COL8A2: variants seen among roughly 807,000 people sequenced by gnomAD.
The protein encoded by COL8A2 is collagen type VIII alpha 2 chain.
Under a neutral mutation model 24.0 loss-of-function variants are expected in COL8A2, and 16 were observed. The ratio of observed to expected loss-of-function variants is 0.67; its 90% CI spans 0.45 to 1.01. COL8A2 has a LOEUF of 1.01. COL8A2 is among the 50% of genes least tolerant of loss of function. The probability of loss-of-function intolerance (pLI) is 0.00; values close to 1 mark genes in which losing one functional copy is unlikely to be tolerated. For synonymous variants in COL8A2, 466 were observed against 424.5 expected, an observed-to-expected ratio of 1.10 and a Z score of -1.20; for missense variants, 818 against 942.4, an observed-to-expected ratio of 0.87 and a Z score of 1.73.
In COL8A2 at chr1:36,098,208, G is replaced by C. The variant is rs1464064699; in HGVS notation, c.1473C>G (p.Pro491=). The change falls in exon 4 of 4, where the codon CCC becomes CCG. Residue 491 remains proline, a synonymous_variant. Transcript: ENST00000397799. ...GLKGEPGLPG[P]PGEGRAGEPG... is the part of the protein sequence containing the mutation. ...GTTCCCCTGCTCTCCCCTCTCCAGG[G>C]GGCCCTGGCAGGCCTGGTTCCCCCT... The C allele has an allele frequency of 1.9e-6, 3 of 1,539,196 alleles. No individual in the cohort carries two copies. The African/African-American group carries it at 4.1e-5, about 21-fold the overall frequency.
At chr1:36,108,745 C>G (rs1251719382) in intron 2 of COL8A2, among the ~76,000 whole-genome samples, 1 of 152,068 alleles carries the variant, frequency 6.6e-6, no homozygotes, top group Non-Finnish European at 1.5e-5. Context: ...CAAATGGGCC[C>G]CAGCAGAAAT....
rs973819592 is a variant in COL8A2 at position 36,115,884 on chromosome 1, A to T, written c.-61-132T>A. 12 of 301,290 alleles carry T rather than the reference A, an allele frequency of 4.0e-5. No homozygotes were observed. The highest frequency in any genetic ancestry group is 6.5e-5 in the Admixed American group (1 of 15,408). The allele number at this position is 301,290 out of a possible 1,614,324, so 18.7% of individuals were successfully genotyped here. On this transcript the variant is annotated intron_variant, in intron 1 of 3. Transcript: ENST00000397799. This position sits in a 1 kb window ranked among gnomAD's most constrained non-coding sequence, Gnocchi z 5.7. ...TGAGACCAGCCTGGGCAACATAGGGAGACATTGTCTGTACTAAAAATTTTA... is the reference window on the plus strand; with the variant it reads ...TGAGACCAGCCTGGGCAACATAGGGTGACATTGTCTGTACTAAAAATTTTA...
In COL8A2 at chr1:36,098,913, A is replaced by G. The variant is rs1178881532; in HGVS notation, c.768T>C (p.Pro256=). The change falls in exon 4 of 4, where the codon CCT becomes CCC. Residue 256 remains proline (P), a synonymous_variant. Transcript: ENST00000397799. The part of the protein sequence containing the change: ...GAPGDKGESG[P]PGVPGPRGEP... ...CCCCCCTGGGGCCTGGAACTCCAGG[A>G]GGCCCAGACTCACCCTTGTCTCCTG... is the stretch of plus-strand genomic sequence containing the variant. 6.2e-7 allele frequency: 1 copy of G among 1,608,904 alleles called. No individual in the cohort carries two copies. Among genetic ancestry groups the G allele is most frequent in the African/African-American group, 1.4e-5 (1 of 73,632 alleles).
At chr1:36,117,547 A>G (rs1643885405) in intron 1 of COL8A2, among the ~76,000 whole-genome samples, 2 of 152,192 alleles carry the variant, frequency 1.3e-5, no homozygotes, top group South Asian at 2.1e-4. Flanking sequence ...CTAACTAATC[A>G]TAGCTAATAT....
Position 36,100,169 on chromosome 1 carries a change from C to T in COL8A2, c.74G>A (p.Arg25Gln), listed in dbSNP as rs199913025. The change falls in exon 3 of 4, where the codon CGG becomes CAG. Residue 25 changes from arginine (R) to glutamine (Q), a missense_variant. Physicochemically the swap from Arg to Gln is conservative, Grantham distance 43. Coordinates refer to ENST00000397799, the MANE Select transcript of COL8A2 (RefSeq NM_005202.4). ...LLVLVLGCGP[R>Q]ASSGGGAGGA... is the part of the protein sequence containing the mutation. ...ACCGGCCCCGCCACCAGAGGACGCCCGCGGCCCACACCCCAGCACCAGCAC... is the reference window on the plus strand; with the variant it reads ...ACCGGCCCCGCCACCAGAGGACGCCTGCGGCCCACACCCCAGCACCAGCAC... 1.7e-4 allele frequency: 271 copies of T among 1,610,760 alleles called. No individual in the cohort carries two copies. Among genetic ancestry groups the T allele is most frequent in the Non-Finnish European group, 2.2e-4 (256 of 1,178,976 alleles).
At chr1:36,099,966 C>A in intron 3 of COL8A2, 84 bp downstream of exon 3, 1 of 1,339,326 alleles carries the variant, frequency 7.5e-7, no homozygotes, top group Non-Finnish European at 1.1e-6. Flanking sequence ...TGGAGGGCGC[C>A]TGAGGATCTG....
chr1:36,098,781 C>T lies in COL8A2; in HGVS notation c.900G>A (p.Glu300=). The T allele has an allele frequency of 6.2e-7, 1 of 1,611,876 alleles. No homozygotes were observed. The change falls in exon 4 of 4, where the codon GAG becomes GAA. Residue 300 remains glutamate (E), a synonymous_variant. Transcript: ENST00000397799. ...GCCCAGGGGGGCCCCGGGTCCCTGG[C>T]TCCCCTTTGGCCCCTGATGGGCCCT... ...GPQGPSGAKG[E]PGTRGPPGLI...
chr1:36,114,995 G>A (rs1484346534), intron 2 of COL8A2, among the ~76,000 whole-genome samples: 2 of 152,208 alleles, frequency 1.3e-5, no homozygotes, highest in East Asian at 1.9e-4. Context: ...TGCCCAGGAA[G>A]GTAAGAACAG....
At chr1:36,110,995 C>T (rs1290574778) in intron 2 of COL8A2, among the ~76,000 whole-genome samples, 5 of 152,166 alleles carry the variant, frequency 3.3e-5, no homozygotes, top group Admixed American at 3.3e-4. Flanking sequence ...CAGACTTCTC[C>T]AGGGTTCCTG....
chr1:36,102,910 C>T (rs1241728368), intron 2 of COL8A2, among the ~76,000 whole-genome samples: 1 of 151,796 alleles, frequency 6.6e-6, no homozygotes, highest in Non-Finnish European at 1.5e-5. Flanking sequence ...TGACCTCTAG[C>T]GATCCGCCTG....
rs193262098 is a variant in COL8A2 at position 36,120,696 on chromosome 1, C to T, written c.-62+4361G>A. Among the ~76,000 whole-genome samples, 68 of 149,252 alleles carry T rather than the reference C, an allele frequency of 4.6e-4. 1 individual carries two copies. In the East Asian group the frequency reaches 9.8e-3, roughly 22 times the overall value. On this transcript the variant is annotated intron_variant, in intron 1 of 3. Coordinates refer to ENST00000397799, the MANE Select transcript of COL8A2 (RefSeq NM_005202.4). Reference sequence around the variant, plus strand: ...CCGGGAGGCAGAGGATGCAGTGAGCCGAGATCATGCCATTGCACCCCAGCC... The same window carrying T: ...CCGGGAGGCAGAGGATGCAGTGAGCTGAGATCATGCCATTGCACCCCAGCC...
intron 2 of COL8A2, among the ~76,000 whole-genome samples, chr1:36,111,553 AT>A (rs373086019): frequency 0.098 from 14,430 of 146,828 alleles, 2,265 homozygotes; most frequent in African/African-American, 0.33. Flanking sequence ...CCCCTGAGCC[AT>A]TTTTTTTTTT....
At chr1:36,106,996 G>A (rs1326557561) in intron 2 of COL8A2, among the ~76,000 whole-genome samples, 1 of 152,214 alleles carries the variant, frequency 6.6e-6, no homozygotes, top group African/African-American at 2.4e-5. Context: ...CAGGTGTCAG[G>A]AACTGCCACA....
At chr1:36,110,762 G>C (rs1643829989) in intron 2 of COL8A2, among the ~76,000 whole-genome samples, 1 of 152,178 alleles carries the variant, frequency 6.6e-6, no homozygotes, top group Non-Finnish European at 1.5e-5. Flanking sequence ...AAAATGCTGG[G>C]ATTATAGGCA....
At chr1:36,100,814 G>A (rs1643667541) in intron 2 of COL8A2, among the ~76,000 whole-genome samples, 3 of 149,198 alleles carry the variant, frequency 2.0e-5, no homozygotes, top group Non-Finnish European at 4.4e-5. Flanking sequence ...TGCACCTTCT[G>A]CTGATGCCCT....
In COL8A2 at chr1:36,108,375, C is replaced by T. The variant is rs367562421; in HGVS notation, c.-17+7333G>A. The stretch of plus-strand genomic sequence containing the variant: ...TGAGGCTCAAGCCTGGCTCTGCCCA[C>T]GACTGGCTGTGTGACCCTGGGTAAG... On this transcript the variant is annotated intron_variant, in intron 2 of 3. Coordinates refer to ENST00000397799, the MANE Select transcript of COL8A2 (RefSeq NM_005202.4). Among the ~76,000 whole-genome samples the T allele has an allele frequency of 1.6e-4, 24 of 152,348 alleles. 1 individual carries two copies. In the East Asian group the frequency reaches 1.9e-3, roughly 12 times the overall value.
chr1:36,122,778 G>C (rs1479319313), intron 1 of COL8A2, among the ~76,000 whole-genome samples: 1 of 152,080 alleles, frequency 6.6e-6, no homozygotes, highest in Non-Finnish European at 1.5e-5. Context: ...AGCAGCCAGA[G>C]TGATTCCCAG....
chr1:36,107,623 G>C (rs867024355), intron 2 of COL8A2, among the ~76,000 whole-genome samples: 14 of 152,266 alleles, frequency 9.2e-5, no homozygotes, highest in Admixed American at 9.2e-4. Context: ...TGGCCACAGC[G>C]GTGAGAAGGG....
chr1:36,099,849 T>TC (rs991984893), intron 3 of COL8A2, among the ~76,000 whole-genome samples: 3 of 151,954 alleles, frequency 2.0e-5, no homozygotes, highest in Non-Finnish European at 2.9e-5. Context: ...CCAGTTCATC[T>TC]CCCCCTTGGA....
Sources: allele counts gnomAD v4.1 joint callset (sites outside exome capture counted in the v4.1 genomes callset), GRCh38; gene constraint gnomAD v4.1.1; non-coding constraint Gnocchi (gnomAD v3.1); transcripts MANE v1.5; gene names NCBI Gene and HGNC (gene_info 2026-07-23, HGNC 2026-07-21).